ITGA1: variants seen among roughly 807,000 people sequenced by gnomAD.
ITGA1 encodes the protein integrin alpha-1.
In ITGA1, 85 loss-of-function variants were observed where a neutral mutation model predicts 145.9. The ratio of observed to expected loss-of-function variants is 0.58; its 90% confidence interval spans 0.49 to 0.70. The LOEUF (loss-of-function observed/expected upper bound fraction) is 0.70, where lower values mean the gene tolerates loss of function less well. Ranked by LOEUF, ITGA1 falls within the 30% of genes least tolerant of loss-of-function variation. ITGA1 has a pLI of 0.00. For missense variants in ITGA1, 1,351 were observed against 1,418.7 expected (o/e 0.95, Z 0.77); for synonymous variants, 520 against 495.3 (o/e 1.05, Z -0.66).
chr5:52,810,533 G>A (rs1748668775), intron 1 of ITGA1, among the ~76,000 whole-genome samples: 1 of 152,304 alleles, frequency 6.6e-6, no homozygotes, highest in Admixed American at 6.5e-5. Context: ...ATTTTATGAG[G>A]AGGAATGAAC....
chr5:52,849,556 G>T, intron 2 of ITGA1, 71 bp downstream of exon 2: 1 of 1,287,712 alleles, frequency 7.8e-7, no homozygotes, highest in South Asian at 1.9e-5. Context: ...TTTGACTACA[G>T]TTTCTTTTAT....
At chr5:52,852,541 T>G (rs2111756576) in intron 2 of ITGA1, among the ~76,000 whole-genome samples, 1 of 152,244 alleles carries the variant, frequency 6.6e-6, no homozygotes. Context: ...TTCCAAAATT[T>G]CTGTACTGGC....
chr5:52,897,126 A>C (rs565744762), intron 9 of ITGA1, among the ~76,000 whole-genome samples: 3 of 152,232 alleles, frequency 2.0e-5, no homozygotes, highest in South Asian at 2.1e-4. Context: ...ACTGTAGTAC[A>C]TCCAACTTGA....
chr5:52,913,494 G>C (rs1750599098), intron 14 of ITGA1, among the ~76,000 whole-genome samples: 1 of 152,116 alleles, frequency 6.6e-6, no homozygotes, highest in Non-Finnish European at 1.5e-5. Context: ...TCAGTTAACA[G>C]CTCTAATCCA....
intron 1 of ITGA1, among the ~76,000 whole-genome samples, chr5:52,819,101 A>G (rs189065000): frequency 6.6e-6 from 1 of 152,294 alleles, no homozygotes; most frequent in Non-Finnish European, 1.5e-5. Flanking sequence ...GTGCCGCAAT[A>G]AACACACGTG....
At chr5:52,878,868 AG>A (rs1407629344) in intron 6 of ITGA1, among the ~76,000 whole-genome samples, 2 of 152,016 alleles carry the variant, frequency 1.3e-5, no homozygotes, top group Non-Finnish European at 2.9e-5. Context: ...AAGTTAGCCA[AG>A]TGAGTCATTG....
chr5:52,876,930 G>A (rs749020014), intron 6 of ITGA1, among the ~76,000 whole-genome samples: 6 of 152,148 alleles, frequency 3.9e-5, no homozygotes, highest in Non-Finnish European at 8.8e-5. Flanking sequence ...TAGCTTAGTA[G>A]GAGGGACAAA....
At chr5:52,922,294 C>CCAGCTGGG (rs1750742620) in intron 17 of ITGA1, among the ~76,000 whole-genome samples, 1 of 107,884 alleles carries the variant, frequency 9.3e-6, no homozygotes, top group African/African-American at 4.2e-5. Flanking sequence ...GAGAGAGACT[C>CCAGCTGGG]TGTCTCAAAC....
intron 2 of ITGA1, among the ~76,000 whole-genome samples, chr5:52,855,480 A>G (rs914154426): frequency 6.6e-6 from 1 of 152,162 alleles, no homozygotes; most frequent in Non-Finnish European, 1.5e-5. Flanking sequence ...TTGAATGCCT[A>G]TTTTGTGCTT....
In ITGA1 at chr5:52,937,520, T is replaced by A. The variant is rs758235868; in HGVS notation, c.3078+6T>A. 1 of 1,513,488 alleles carries A rather than the reference T, an allele frequency of 6.6e-7. No individual in the cohort carries two copies. Among genetic ancestry groups the A allele is most frequent in the Non-Finnish European group, 9.2e-7 (1 of 1,089,024 alleles). The allele number at this position is 1,513,488 out of a possible 1,614,324, so 93.8% of individuals were successfully genotyped here. A position where few individuals can be genotyped will look rare whatever the true frequency, so the allele number is the denominator to read the frequency against. On this transcript the variant is annotated splice_donor_region_variant and intron_variant, in intron 24 of 28. Coordinates refer to ENST00000282588, the MANE Select transcript of ITGA1 (RefSeq NM_181501.2). ...CTGGATTGTCATCTTCTGAGGTAAG[T>A]CATGTGTGCCTTGGAATTATGTCAT...
chr5:52,811,227 A>G (rs1315010098), intron 1 of ITGA1, among the ~76,000 whole-genome samples: 2 of 152,220 alleles, frequency 1.3e-5, no homozygotes, highest in East Asian at 3.8e-4. Context: ...GAACTGGCCC[A>G]TGACTCATGA....
At chr5:52,854,845 G>A (rs1382072735) in intron 2 of ITGA1, among the ~76,000 whole-genome samples, 2 of 152,110 alleles carry the variant, frequency 1.3e-5, no homozygotes, top group African/African-American at 4.8e-5. Flanking sequence ...ATGGAGAAAA[G>A]TGTTTCTCTC....
intron 6 of ITGA1, among the ~76,000 whole-genome samples, chr5:52,871,557 G>A (rs1225559096): frequency 1.3e-5 from 2 of 151,836 alleles, no homozygotes; most frequent in Non-Finnish European, 2.9e-5. Flanking sequence ...GCAATAAAAG[G>A]CAGAGTCAAA....
intron 28 of ITGA1, 30 bp downstream of exon 28, chr5:52,947,491 C>A: frequency 1.6e-6 from 2 of 1,249,942 alleles, no homozygotes; most frequent in Non-Finnish European, 2.4e-6. Context: ...TGACTCTCTA[C>A]TTCAATCATC....
chr5:52,862,186 C>G (rs937708314), intron 3 of ITGA1, among the ~76,000 whole-genome samples: 2 of 145,438 alleles, frequency 1.4e-5, no homozygotes, highest in African/African-American at 5.1e-5. Context: ...CCATTGCACT[C>G]CAGCCTGAGG....
chr5:52,906,282 T>G (rs571390612), intron 12 of ITGA1, among the ~76,000 whole-genome samples: 1 of 152,138 alleles, frequency 6.6e-6, no homozygotes, highest in Non-Finnish European at 1.5e-5. Context: ...GGGCTGAATC[T>G]ACAAGGGATG....
chr5:52,858,520 C>G (rs1258967250), intron 2 of ITGA1, among the ~76,000 whole-genome samples: 1 of 152,182 alleles, frequency 6.6e-6, no homozygotes, highest in Non-Finnish European at 1.5e-5. Flanking sequence ...TCCTCAGGAC[C>G]TGGCATAAAT....
intron 3 of ITGA1, among the ~76,000 whole-genome samples, chr5:52,862,175 G>T (rs1393383918): frequency 7.0e-6 from 1 of 141,880 alleles, no homozygotes; most frequent in Admixed American, 7.5e-5. Flanking sequence ...GCAACATCAC[G>T]CCATTGCACT....
chr5:52,820,772 GT>G (rs946465612), intron 1 of ITGA1, among the ~76,000 whole-genome samples: 2 of 152,186 alleles, frequency 1.3e-5, no homozygotes, highest in African/African-American at 4.8e-5. Flanking sequence ...AATCAATCAG[GT>G]AAACATGAAT....
Sources: gnomAD v4.1 joint callset for allele counts (sites outside exome capture counted in the v4.1 genomes callset) on GRCh38, gnomAD v4.1.1 for gene constraint, MANE v1.5 for transcripts, NCBI Gene and HGNC (gene_info 2026-07-23, HGNC 2026-07-21) for gene names.